Variants in LRRC3B observed in about 807,000 individuals in gnomAD.
LRRC3B encodes the protein leucine rich repeat containing 3B.
Under a neutral mutation model 12.8 loss-of-function variants are expected in LRRC3B, and 2 were observed. The observed-to-expected ratio is 0.16, with a 90% CI of 0.06 to 0.49. The LOEUF (loss-of-function observed/expected upper bound fraction) is 0.49. LRRC3B is among the 20% of genes least tolerant of loss of function. LRRC3B has a pLI of 0.96. For missense variants in LRRC3B, 189 were observed against 319.4 expected (o/e 0.59, Z 3.11); for synonymous variants, 132 against 122.0 (o/e 1.08, Z -0.54).
At chr3:26,641,404 T>G (rs1559352164) in intron 1 of LRRC3B, among the ~76,000 whole-genome samples, 1 of 152,156 alleles carries the variant, frequency 6.6e-6, no homozygotes, top group Non-Finnish European at 1.5e-5. Flanking sequence ...GTGTGTTAGC[T>G]GAGATGGTGC....
chr3:26,627,012 A>G (rs1698641445), intron 1 of LRRC3B, among the ~76,000 whole-genome samples: 1 of 152,224 alleles, frequency 6.6e-6, no homozygotes, highest in Admixed American at 6.5e-5. Flanking sequence ...ATTAAAGTTT[A>G]TGCTGATGTA....
intron 1 of LRRC3B, among the ~76,000 whole-genome samples, chr3:26,636,326 AT>A (rs77645926): frequency 0.028 from 4,228 of 151,862 alleles, 154 homozygotes; most frequent in East Asian, 0.13. Context: ...GAAGGATGTG[AT>A]TTTTTTTTAC....
chr3:26,671,354 ATATATATATATATATAT>A (rs1699728899), intron 1 of LRRC3B, among the ~76,000 whole-genome samples: 1 of 52,512 alleles, frequency 1.9e-5, no homozygotes, highest in Admixed American at 2.7e-4. Flanking sequence ...ATGTGTGTAT[ATATATATATATATATAT>A]ATAGAGAGAG....
At chr3:26,664,671 G>A (rs1463489147) in intron 1 of LRRC3B, among the ~76,000 whole-genome samples, 4 of 152,106 alleles carry the variant, frequency 2.6e-5, no homozygotes, top group African/African-American at 4.8e-5. Flanking sequence ...CTGTGCTATC[G>A]AGAGAGACCC....
intron 1 of LRRC3B, among the ~76,000 whole-genome samples, chr3:26,630,386 C>T (rs1272326735): frequency 6.6e-6 from 1 of 152,184 alleles, no homozygotes; most frequent in Non-Finnish European, 1.5e-5. Flanking sequence ...AAATATAATA[C>T]ATAAGATTAT....
At position 26,671,350 on chromosome 3, in the gene LRRC3B, G is replaced by GTATATATATATA. The variant is rs1161960755; in HGVS notation, c.-160-38150_-160-38139dup. The stretch of plus-strand genomic sequence containing the variant: ...TATAAATGTGTGTGTATATATGTGT[G>GTATATATATATA]TATATATATATATATATATATATAG... On this transcript the variant is annotated intron_variant, in intron 1 of 1. Coordinates refer to ENST00000396641, the Ensembl canonical transcript of LRRC3B. 6.5e-4 allele frequency among the ~76,000 whole-genome samples: 37 copies of GTATATATATATA among 56,734 alleles called. 1 individual carries two copies. The highest frequency in any genetic ancestry group is 2.2e-3 in the African/African-American group (26 of 12,050). The allele number at this position is 56,734 out of a possible 152,430, so 37.2% of individuals were successfully genotyped here.
intron 1 of LRRC3B, among the ~76,000 whole-genome samples, chr3:26,690,574 T>C (rs1700169620): frequency 6.6e-6 from 1 of 152,146 alleles, no homozygotes; most frequent in Admixed American, 6.5e-5. Context: ...TTCCGGGTGC[T>C]TCCCAGAGGA....
At chr3:26,709,753 C>T (rs1226604566) in exon 2 of LRRC3B, 2 of 1,614,022 alleles carry the variant, frequency 1.2e-6, no homozygotes, top group Non-Finnish European at 1.7e-6. Context: ...TGATACTGTG[C>T]TTTCATTCTG....
chr3:26,700,065 G>C (rs998788928), intron 1 of LRRC3B, among the ~76,000 whole-genome samples: 6 of 152,188 alleles, frequency 3.9e-5, no homozygotes, highest in African/African-American at 1.4e-4. Context: ...GTATTCAGAA[G>C]AGTCAGTTCT....
chr3:26,709,575 C>G, exon 2 of LRRC3B: 1 of 1,218,030 alleles, frequency 8.2e-7, no homozygotes, highest in South Asian at 1.4e-5. Flanking sequence ...TTTTGAAACA[C>G]GCAAGAAGGA....
At chr3:26,626,965 A>T (rs746260977) in intron 1 of LRRC3B, among the ~76,000 whole-genome samples, 1 of 152,228 alleles carries the variant, frequency 6.6e-6, no homozygotes, top group African/African-American at 2.4e-5. Flanking sequence ...ATACAGTGGC[A>T]TAAATTCTTG....
chr3:26,691,105 G>GTGTATACATATATA (rs372629683), intron 1 of LRRC3B, among the ~76,000 whole-genome samples: 3 of 84,850 alleles, frequency 3.5e-5, no homozygotes, highest in African/African-American at 1.4e-4. Context: ...GTGTGTGTGT[G>GTGTATACATATATA]TATATATATA....
intron 1 of LRRC3B, among the ~76,000 whole-genome samples, chr3:26,681,572 A>G (rs1025834342): frequency 2.0e-5 from 3 of 152,214 alleles, no homozygotes; most frequent in Non-Finnish European, 2.9e-5. Flanking sequence ...GTAAAAGGGG[A>G]TGATAGTGAT....
intron 1 of LRRC3B, among the ~76,000 whole-genome samples, chr3:26,639,300 T>C (rs1476450473): frequency 1.3e-5 from 2 of 152,162 alleles, no homozygotes; most frequent in African/African-American, 2.4e-5. Context: ...AGACTAAGTC[T>C]TTGAGATCTG....
At chr3:26,665,560 T>C (rs547468326) in intron 1 of LRRC3B, among the ~76,000 whole-genome samples, 1 of 152,082 alleles carries the variant, frequency 6.6e-6, no homozygotes, top group African/African-American at 2.4e-5. Flanking sequence ...TTGACAAGTA[T>C]AGAAAAGAGA....
At chr3:26,636,974 C>CTTTCTTTCTT (rs1193566862) in intron 1 of LRRC3B, among the ~76,000 whole-genome samples, 83 of 112,224 alleles carry the variant, frequency 7.4e-4, no homozygotes, top group Non-Finnish European at 1.0e-3. Context: ...TTCTTTCTTT[C>CTTTCTTTCTT]TCTCTCTCTC....
chr3:26,630,338 C>G (rs1490082503), intron 1 of LRRC3B, among the ~76,000 whole-genome samples: 1 of 152,200 alleles, frequency 6.6e-6, no homozygotes. Context: ...GACAGTCTGA[C>G]AAAGCCTGCG....
intron 1 of LRRC3B, among the ~76,000 whole-genome samples, chr3:26,677,327 T>G (rs1272617700): frequency 6.6e-6 from 1 of 152,164 alleles, no homozygotes; most frequent in Non-Finnish European, 1.5e-5. Flanking sequence ...TCCCATAAAC[T>G]GTACTTCCCA....
At chr3:26,696,152 A>G (rs552934079) in intron 1 of LRRC3B, among the ~76,000 whole-genome samples, 5 of 152,250 alleles carry the variant, frequency 3.3e-5, no homozygotes, top group Non-Finnish European at 7.3e-5. Context: ...CTGAGGTACT[A>G]TGCAGGCATT....
Sources: gnomAD v4.1 joint callset for allele counts (sites outside exome capture counted in the v4.1 genomes callset) on GRCh38, gnomAD v4.1.1 for gene constraint, MANE v1.5 for transcripts, NCBI Gene and HGNC (gene_info 2026-07-23, HGNC 2026-07-21) for gene names.